USP3: variants seen among roughly 807,000 people sequenced by gnomAD.
USP3 encodes the protein ubiquitin carboxyl-terminal hydrolase 3.
A neutral mutation model predicts 72.3 loss-of-function variants in USP3; 20 were observed. That is an observed-to-expected ratio of 0.28 (90% CI 0.19 to 0.40). The LOEUF (loss-of-function observed/expected upper bound fraction) is 0.40. Among genes scored for constraint, USP3 ranks in the 10% least tolerant of loss-of-function variants. USP3 has a pLI of 1.00. For synonymous variants in USP3, 222 were observed against 225.3 expected, an observed-to-expected ratio of 0.99 and a Z score of 0.13; for missense variants, 479 against 633.9, an observed-to-expected ratio of 0.76 and a Z score of 2.62.
chr15:63,541,342 TAATG>T (rs1433986210), intron 3 of USP3, among the ~76,000 whole-genome samples: 5 of 152,190 alleles, frequency 3.3e-5, no homozygotes, highest in African/African-American at 4.8e-5. Flanking sequence ...TTTAAATAGA[TAATG>T]AATCATTTCC....
At chr15:63,558,952 T>C (rs1351358464) in intron 6 of USP3, among the ~76,000 whole-genome samples, 1 of 152,180 alleles carries the variant, frequency 6.6e-6, no homozygotes, top group Admixed American at 6.6e-5. Flanking sequence ...AGCTGCCTGG[T>C]GGAGGGCTAG....
At chr15:63,571,192 G>A (rs1566912554) in intron 9 of USP3, among the ~76,000 whole-genome samples, 1 of 152,132 alleles carries the variant, frequency 6.6e-6, no homozygotes, top group Non-Finnish European at 1.5e-5. Flanking sequence ...ATTTTAGCCT[G>A]GATTTTGGTC....
intron 7 of USP3, among the ~76,000 whole-genome samples, chr15:63,562,155 A>G (rs914209855): frequency 2.4e-4 from 36 of 152,192 alleles, no homozygotes; most frequent in African/African-American, 7.0e-4. Flanking sequence ...AAGGATTATT[A>G]TAGGACTACT....
At chr15:63,582,046 A>G (rs1159057240) in intron 11 of USP3, among the ~76,000 whole-genome samples, 6 of 152,242 alleles carry the variant, frequency 3.9e-5, no homozygotes, top group Admixed American at 2.0e-4. Flanking sequence ...AGAAAACTCA[A>G]AAAAGTAAAA....
In USP3 at chr15:63,574,096, A is replaced by G; in HGVS notation, c.959A>G (p.Asn320Ser). The change falls in exon 10 of 15, where the codon AAT (asparagine) becomes AGT (serine). Residue 320 changes from asparagine to serine, a missense_variant. Physicochemically the swap from Asn to Ser is conservative, Grantham distance 46. Coordinates refer to ENST00000380324, the MANE Select transcript of USP3 (RefSeq NM_006537.4). This position sits in a 1 kb window ranked among gnomAD's most constrained non-coding sequence, Gnocchi z 4.6. ...GCTATATTCGGAGGCATTCTCCAAA[A>G]TGAGGTTAACTGCCTCATATGTGGG... ...VTAIFGGILQNEVNCLICGTE... is the reference protein window; with the variant it reads ...VTAIFGGILQSEVNCLICGTE... 6.3e-7 allele frequency: 1 copy of G among 1,598,668 alleles called. No individual in the cohort carries two copies. Among genetic ancestry groups the G allele is most frequent in the South Asian group, 1.1e-5 (1 of 87,160 alleles).
intron 1 of USP3, among the ~76,000 whole-genome samples, chr15:63,530,238 G>A (rs2066047794): frequency 6.6e-6 from 1 of 151,240 alleles, no homozygotes; most frequent in Admixed American, 6.6e-5. Context: ...CCAGATTTGA[G>A]TTACCGTCAT....
chr15:63,552,248 T>C (rs2066447967), intron 3 of USP3, among the ~76,000 whole-genome samples: 2 of 152,176 alleles, frequency 1.3e-5, no homozygotes, highest in East Asian at 3.8e-4. Context: ...TCGAGTAGAG[T>C]AGCAATACAA....
rs1378102254 is a variant in USP3 at position 63,544,721 on chromosome 15, A to T, written c.284+7565A>T. The T allele has an allele frequency of 1.4e-6, 1 of 702,138 alleles. No homozygotes were observed. Among genetic ancestry groups the T allele is most frequent in the Non-Finnish European group, 2.6e-6 (1 of 384,736 alleles). The allele number at this position is 702,138 out of a possible 1,614,324, so 43.5% of individuals were successfully genotyped here. A position where few individuals can be genotyped will look rare whatever the true frequency, so the allele number is the denominator to read the frequency against. On this transcript the variant is annotated intron_variant, in intron 3 of 14. Coordinates refer to ENST00000380324, the MANE Select transcript of USP3 (RefSeq NM_006537.4). The surrounding 1 kb of genome is among the most constrained non-coding windows in gnomAD (Gnocchi z 4.2). ...AAGTGAATAGTGCGAAATGGAAAATACCGAGGGGTAAGAGAGTTCATGGTA... is the reference window on the plus strand; with the variant it reads ...AAGTGAATAGTGCGAAATGGAAAATTCCGAGGGGTAAGAGAGTTCATGGTA...
intron 4 of USP3, 129 bp from the exon 5 acceptor site, chr15:63,556,538 A>G (rs965382417): frequency 4.3e-5 from 25 of 579,852 alleles, no homozygotes; most frequent in Non-Finnish European, 6.0e-5. Context: ...GGGCCCCAGT[A>G]GGCCTGACGA....
rs182815225 is a variant in USP3, at chr15:63,531,182, C to T, written c.92-1465C>T. 8.3e-4 allele frequency among the ~76,000 whole-genome samples: 127 copies of T among 152,324 alleles called. 1 individual carries two copies. The highest frequency in any genetic ancestry group is 2.0e-3 in the Admixed American group (30 of 15,298). On this transcript the variant is annotated intron_variant, in intron 1 of 14. Transcript: ENST00000380324. ...TCACTGTGCTCTCCTATTCTCACCTCCTGTCCCCTCCTCTCATGCAAATAT... is the reference window on the plus strand; with the variant it reads ...TCACTGTGCTCTCCTATTCTCACCTTCTGTCCCCTCCTCTCATGCAAATAT...
chr15:63,527,862 T>G (rs984700164), intron 1 of USP3: 2 of 152,262 alleles, frequency 1.3e-5, no homozygotes, highest in African/African-American at 4.8e-5. Context: ...TCATCTGGTT[T>G]TCAGGAGAGT....
At chr15:63,525,883 G>A (rs1043293130) in intron 1 of USP3, among the ~76,000 whole-genome samples, 7 of 152,042 alleles carry the variant, frequency 4.6e-5, no homozygotes, top group East Asian at 3.8e-4. Context: ...ATACTTTCAC[G>A]ATGTATGTGT....
chr15:63,583,650 C>G (rs2067002926), intron 11 of USP3, among the ~76,000 whole-genome samples: 1 of 152,192 alleles, frequency 6.6e-6, no homozygotes, highest in Non-Finnish European at 1.5e-5. Flanking sequence ...TACTTTTCCT[C>G]TCTTGTTCCC....
At position 63,565,967 on chromosome 15, in the gene USP3, C is replaced by G. The variant is rs530349518; in HGVS notation, c.761+2959C>G. ...CTTTTCTTAACACAGCTCTGTCTTG[C>G]TGCTTTGCTGTCTCTGTATGTCATG... On this transcript the variant is annotated intron_variant, in intron 8 of 14. Transcript: ENST00000380324. Among the ~76,000 whole-genome samples, 124 of 152,308 alleles carry G rather than the reference C, an allele frequency of 8.1e-4. 2 individuals are homozygous for G. In the South Asian group the frequency reaches 0.024, roughly 29 times the overall value.
At chr15:63,566,340 C>T (rs1032553126) in intron 8 of USP3, among the ~76,000 whole-genome samples, 5 of 149,632 alleles carry the variant, frequency 3.3e-5, no homozygotes, top group South Asian at 2.1e-4. Flanking sequence ...ATTTGAGTCT[C>T]GCTTTGTAGC....
rs879477167 is a variant in USP3, at chr15:63,528,773, A to C, written c.92-3874A>C. ...AGTCCCCCTAAAGGTGATTAAAATA[A>C]ATGGTTTTAAGATTATCTGTAGTAT... On this transcript the variant is annotated intron_variant, in intron 1 of 14. Transcript: ENST00000380324. This position sits in a 1 kb window ranked among gnomAD's most constrained non-coding sequence, Gnocchi z 4.3. Among the ~76,000 whole-genome samples the C allele has an allele frequency of 6.6e-6, 1 of 152,224 alleles. No homozygotes were observed. Among genetic ancestry groups the C allele is most frequent in the Non-Finnish European group, 1.5e-5 (1 of 68,042 alleles).
chr15:63,580,683 T>TAATAG (rs1331990551), intron 11 of USP3, among the ~76,000 whole-genome samples: 2 of 77,236 alleles, frequency 2.6e-5, no homozygotes, highest in Admixed American at 1.1e-4. Flanking sequence ...ATATATAATA[T>TAATAG]ATATGCATAT....
chr15:63,546,358 A>G (rs1006552373), intron 3 of USP3, among the ~76,000 whole-genome samples: 3 of 151,818 alleles, frequency 2.0e-5, no homozygotes, highest in Non-Finnish European at 4.4e-5. Flanking sequence ...AAAGCAGGAT[A>G]TGCATTCTAG....
At chr15:63,546,590 C>T (rs1245023139) in intron 3 of USP3, among the ~76,000 whole-genome samples, 4 of 152,074 alleles carry the variant, frequency 2.6e-5, no homozygotes, top group African/African-American at 9.6e-5. Context: ...ATCTGTTTGC[C>T]TTTATTTTAT....
Sources: allele counts gnomAD v4.1 joint callset (sites outside exome capture counted in the v4.1 genomes callset), GRCh38; gene constraint gnomAD v4.1.1; non-coding constraint Gnocchi (gnomAD v3.1); transcripts MANE v1.5; gene names NCBI Gene and HGNC (gene_info 2026-07-23, HGNC 2026-07-21).